Variants in HMCN1 observed in about 807,000 individuals in gnomAD.
HMCN1 encodes hemicentin-1.
Under a neutral mutation model 625.9 loss-of-function variants are expected in HMCN1, and 321 were observed. The ratio of observed to expected loss-of-function variants is 0.51; its 90% CI spans 0.47 to 0.56. HMCN1 has a LOEUF of 0.56. HMCN1 is among the 20% of genes least tolerant of loss of function. The probability of loss-of-function intolerance (pLI) is 0.00; values close to 1 mark genes in which losing one functional copy is unlikely to be tolerated. For synonymous variants in HMCN1, 2,425 were observed against 2,417.6 expected, an observed-to-expected ratio of 1.00 and a Z score of -0.09; for missense variants, 6,588 against 6,887.3, an observed-to-expected ratio of 0.96 and a Z score of 1.54.
intron 52 of HMCN1, among the ~76,000 whole-genome samples, chr1:186,072,659 C>A (rs1003405670): frequency 3.3e-5 from 5 of 152,116 alleles, no homozygotes; most frequent in Admixed American, 6.6e-5. Flanking sequence ...GACATTTAAA[C>A]AGAAACCCAA....
chr1:186,041,024 T>C lies in HMCN1; in HGVS notation c.6192T>C (p.Gly2064=), dbSNP rs1656168930. The C allele has an allele frequency of 1.9e-6, 3 of 1,612,840 alleles. No individual in the cohort carries two copies. In the African/African-American group the frequency reaches 4.0e-5, roughly 22 times the overall value. Residue 2064 remains glycine, a synonymous_variant, in exon 40 of 107, where the codon GGT becomes GGC. Transcript: ENST00000271588. ...SFSNGLQVLS[G]GRILALTSAQ... Reference sequence around the variant, plus strand: ...CTTACCATTGATAGGTTCTCTCTGGTGGTCGAATCCTAGCATTGACCAGTG... The same window carrying C: ...CTTACCATTGATAGGTTCTCTCTGGCGGTCGAATCCTAGCATTGACCAGTG...
chr1:186,149,244 T>C (rs944253515), intron 93 of HMCN1, among the ~76,000 whole-genome samples: 6 of 152,240 alleles, frequency 3.9e-5, no homozygotes, highest in African/African-American at 1.4e-4. Flanking sequence ...CTTCTTCCAA[T>C]AGAAGGCTGT....
chr1:186,171,222 G>C (rs892510969), intron 100 of HMCN1, 115 bp from the exon 101 acceptor site: 1 of 770,500 alleles, frequency 1.3e-6, no homozygotes, highest in African/African-American at 1.7e-5. Flanking sequence ...ATATTGGATA[G>C]GTTTTAGAGA....
chr1:185,766,865 A>G (rs540011312), intron 1 of HMCN1, among the ~76,000 whole-genome samples: 103 of 152,306 alleles, frequency 6.8e-4, no homozygotes, highest in African/African-American at 2.3e-3. Context: ...ATAGAACCAC[A>G]CAACTTAAGG....
At chr1:185,890,483 T>A (rs1316526332) in intron 4 of HMCN1, among the ~76,000 whole-genome samples, 3 of 146,280 alleles carry the variant, frequency 2.1e-5, no homozygotes, top group Admixed American at 2.0e-4. Flanking sequence ...CTGCTTTGAA[T>A]GTGTCCCAGA....
At chr1:186,188,160 T>A (rs1653473246) in intron 106 of HMCN1, 151 bp downstream of exon 106, 1 of 953,998 alleles carries the variant, frequency 1.0e-6, no homozygotes, top group Non-Finnish European at 1.6e-6. Flanking sequence ...TTCTCTTCAA[T>A]GAATGGGCAA....
At chr1:185,939,356 C>T (rs1037793538) in intron 11 of HMCN1, among the ~76,000 whole-genome samples, 1 of 152,160 alleles carries the variant, frequency 6.6e-6, no homozygotes, top group Non-Finnish European at 1.5e-5. Flanking sequence ...AAGGAATCCC[C>T]TCAAGCAGGG....
At position 185,830,139 on chromosome 1, in the gene HMCN1, G is replaced by C. The variant is rs536984804; in HGVS notation, c.269-15887G>C. 7.0e-4 allele frequency among the ~76,000 whole-genome samples: 107 copies of C among 151,940 alleles called. 2 individuals are homozygous for C. The South Asian group carries it at 0.022, about 31-fold the overall frequency. On this transcript the variant is annotated intron_variant, in intron 1 of 106. Transcript: ENST00000271588. ...TATGTTTAAGTTCCTTGTAAATCCT[G>C]GATATTAGACCTTTGTCAGATGGGT...
At chr1:185,997,603 C>A in intron 25 of HMCN1, 79 bp downstream of exon 25, 1 of 1,002,306 alleles carries the variant, frequency 1.0e-6, no homozygotes, top group Non-Finnish European at 1.6e-6. Flanking sequence ...AAATTGTCAT[C>A]CTTATAAAAT....
intron 11 of HMCN1, among the ~76,000 whole-genome samples, chr1:185,961,351 A>G (rs1650008933): frequency 6.6e-6 from 1 of 152,178 alleles, no homozygotes; most frequent in Non-Finnish European, 1.5e-5. Flanking sequence ...GAATTTCTCA[A>G]TTTTATTTAT....
intron 4 of HMCN1, among the ~76,000 whole-genome samples, chr1:185,884,889 T>C (rs1664537718): frequency 1.3e-5 from 2 of 152,038 alleles, no homozygotes; most frequent in African/African-American, 4.8e-5. Context: ...TATCAAAGGA[T>C]TGAACATTAT....
intron 52 of HMCN1, among the ~76,000 whole-genome samples, chr1:186,073,257 G>A (rs1658582705): frequency 1.3e-5 from 2 of 152,102 alleles, no homozygotes; most frequent in Admixed American, 6.6e-5. Flanking sequence ...GGTAAAATAA[G>A]TACTTAGAAG....
chr1:186,070,399 T>C (rs1440757533), intron 51 of HMCN1, among the ~76,000 whole-genome samples: 1 of 152,188 alleles, frequency 6.6e-6, no homozygotes, highest in Non-Finnish European at 1.5e-5. Context: ...ATTGGCAGTA[T>C]CACATGATAA....
chr1:185,890,670 GAGAGAT>G lies in HMCN1; in HGVS notation c.622-18664_622-18659del, dbSNP rs562521333. ...TTCTAGTTTGATTGCACTGTGGTCT[GAGAGAT>G]AGTTTGTTATAATTTCTGTTCTTTT... On this transcript the variant is annotated intron_variant, in intron 4 of 106. Coordinates refer to ENST00000271588, the MANE Select transcript of HMCN1 (RefSeq NM_031935.3). Among the ~76,000 whole-genome samples the G allele has an allele frequency of 4.1e-3, 372 of 90,212 alleles. 3 individuals are homozygous for G. The highest frequency in any genetic ancestry group is 0.012 in the Middle Eastern group (3 of 252). 59.2% of individuals were successfully genotyped at this position (90,212 alleles called of 152,430 possible). A position where few individuals can be genotyped will look rare whatever the true frequency, so the allele number is the denominator to read the frequency against.
intron 1 of HMCN1, among the ~76,000 whole-genome samples, chr1:185,758,016 A>G (rs1428981252): frequency 6.6e-6 from 1 of 152,220 alleles, no homozygotes; most frequent in Non-Finnish European, 1.5e-5. Flanking sequence ...AAATGATTTA[A>G]AAAATCACCC....
At chr1:185,840,628 C>T (rs930025928) in intron 1 of HMCN1, among the ~76,000 whole-genome samples, 3 of 152,092 alleles carry the variant, frequency 2.0e-5, no homozygotes, top group Non-Finnish European at 4.4e-5. Flanking sequence ...TGTATCTGTA[C>T]TACTTGGCTC....
At chr1:186,002,626 C>T (rs1223977647) in intron 28 of HMCN1, among the ~76,000 whole-genome samples, 1 of 152,110 alleles carries the variant, frequency 6.6e-6, no homozygotes, top group Non-Finnish European at 1.5e-5. Context: ...GCTCCCTTGA[C>T]TGAATTCCAT....
At chr1:186,155,101 T>G (rs1378358397) in intron 97 of HMCN1, among the ~76,000 whole-genome samples, 1 of 152,250 alleles carries the variant, frequency 6.6e-6, no homozygotes, top group African/African-American at 2.4e-5. Context: ...AATTTTAAAC[T>G]TCACCATTTT....
Position 186,088,243 on chromosome 1 carries a change from A to C in HMCN1, c.9544A>C (p.Thr3182Pro). 2 of 1,612,890 alleles carry C rather than the reference A, an allele frequency of 1.2e-6. No homozygotes were observed. The highest frequency in any genetic ancestry group is 2.2e-5 in the South Asian group (2 of 91,066). ...TCDATGIPPP[T>P]IAWLKNHKRI... ...TGATGCCACTGGGATCCCACCTCCC[A>C]CGATAGCATGGTTAAAGAACCACAA... The change falls in exon 62 of 107, where the codon ACG becomes CCG. Residue 3182 changes from threonine (T) to proline (P), a missense_variant. By Grantham distance (38) the Thr-to-Pro change is conservative. Around this residue, in one of 3 missense-constraint regions of HMCN1, gnomAD observed 4,628 missense variants for 4,853.1 expected, o/e 0.95. Coordinates refer to ENST00000271588, the MANE Select transcript of HMCN1 (RefSeq NM_031935.3).
Sources: allele counts gnomAD v4.1 joint callset (sites outside exome capture counted in the v4.1 genomes callset), GRCh38; gene constraint gnomAD v4.1.1; regional missense constraint gnomAD v4.1.1; transcripts MANE v1.5; gene names NCBI Gene and HGNC (gene_info 2026-07-23, HGNC 2026-07-21).